MYO16: variants seen among roughly 807,000 people sequenced by gnomAD.
MYO16 encodes the protein myosin XVI, also known as unconventional myosin-XVI.
MYO16 carries 94 observed loss-of-function variants against 205.3 expected under a neutral mutation model. That is an observed-to-expected ratio of 0.46 (90% CI 0.39 to 0.54). The LOEUF is 0.54. Ranked by LOEUF, MYO16 falls within the 20% of genes least tolerant of loss-of-function variation. The pLI is 0.00. For missense variants in MYO16, 2,315 were observed against 2,387.5 expected, an observed-to-expected ratio of 0.97 and a Z score of 0.63; for synonymous variants, 988 against 954.0, an observed-to-expected ratio of 1.04 and a Z score of -0.66.
the MYO16 span, among the ~76,000 whole-genome samples, chr13:108,510,485 T>TTTTTTTTTTTTTTTTTTA: frequency 1.0e-5 from 1 of 96,440 alleles, no homozygotes; most frequent in Non-Finnish European, 2.2e-5. Flanking sequence ...TTTTTTTTTT[T>TTTTTTTTTTTTTTTTTTA]ATTGTACTTT....
At chr13:108,631,397 T>C (rs527305125) in intron 1 of MYO16, among the ~76,000 whole-genome samples, 123 of 152,338 alleles carry the variant, frequency 8.1e-4, no homozygotes, top group African/African-American at 2.7e-3. Flanking sequence ...CCTTTTGTTC[T>C]GTTTTAGTTG....
chr13:109,006,909 G>A (rs775106356), intron 21 of MYO16, among the ~76,000 whole-genome samples: 4 of 152,104 alleles, frequency 2.6e-5, no homozygotes, highest in Non-Finnish European at 5.9e-5. Context: ...AGGAGTCCAC[G>A]AAGAGTCGGG....
intron 4 of MYO16, among the ~76,000 whole-genome samples, chr13:108,754,419 A>G (rs1006686472): frequency 3.9e-5 from 6 of 152,264 alleles, no homozygotes; most frequent in Admixed American, 6.5e-5. Context: ...ATTAATGCAC[A>G]GATTATTGAC....
At chr13:108,509,648 T>G in the MYO16 span, among the ~76,000 whole-genome samples, 1 of 152,198 alleles carries the variant, frequency 6.6e-6, no homozygotes, top group Admixed American at 6.5e-5. Flanking sequence ...ATTTTACCTT[T>G]GGTCACTTTT....
intron 15 of MYO16, among the ~76,000 whole-genome samples, chr13:108,903,268 G>C (rs1880795809): frequency 6.6e-6 from 1 of 152,180 alleles, no homozygotes; most frequent in African/African-American, 2.4e-5. Context: ...TAATTATTCT[G>C]TTGCATTATT....
At chr13:108,526,295 C>G in the MYO16 span, among the ~76,000 whole-genome samples, 1 of 152,016 alleles carries the variant, frequency 6.6e-6, no homozygotes, top group Non-Finnish European at 1.5e-5. Context: ...GTTTGTGAGA[C>G]AAAAATGAAT....
intron 28 of MYO16, among the ~76,000 whole-genome samples, chr13:109,116,562 G>A (rs568502333): frequency 4.6e-5 from 7 of 151,990 alleles, no homozygotes; most frequent in East Asian, 3.9e-4. Flanking sequence ...CTCAACTACC[G>A]ACCATCAAGA....
intron 16 of MYO16, among the ~76,000 whole-genome samples, chr13:108,935,631 G>C (rs1882443811): frequency 6.6e-6 from 1 of 151,988 alleles, no homozygotes; most frequent in East Asian, 1.9e-4. Context: ...GATTTCTCTG[G>C]CTATGACTTC....
At chr13:108,866,325 A>C (rs1878714229) in intron 12 of MYO16, 83 bp downstream of exon 12, 5 of 801,616 alleles carry the variant, frequency 6.2e-6, no homozygotes, top group Middle Eastern at 2.9e-4. Context: ...TGACTAAAAA[A>C]AACAGGCAAA....
At chr13:108,678,622 C>A (rs190567321) in intron 2 of MYO16, among the ~76,000 whole-genome samples, 1 of 152,194 alleles carries the variant, frequency 6.6e-6, no homozygotes, top group Non-Finnish European at 1.5e-5. Flanking sequence ...TCATATTCAT[C>A]TACAAGCATC....
At chr13:108,630,112 A>T (rs9587634) in intron 1 of MYO16, among the ~76,000 whole-genome samples, 29,472 of 151,406 alleles carry the variant, frequency 0.19, 4,670 homozygotes, top group African/African-American at 0.43. Context: ...TCAGCTTTTT[A>T]AAAAAAATGA....
chr13:108,844,428 A>AGTCC lies in MYO16; in HGVS notation c.1183_1184insGTCC (p.Lys395SerfsTer11). 6.2e-7 allele frequency: 1 copy of AGTCC among 1,613,282 alleles called. No individual in the cohort carries two copies. Among genetic ancestry groups the AGTCC allele is most frequent in the Admixed American group, 1.7e-5 (1 of 59,956 alleles). ...CAAAGATGCAACAAAAGGTCTGTGT[A>AGTCC]AGCAGCAGTCTCAGGACAGCATCCC... On this transcript the variant is annotated frameshift_variant, in exon 10 of 35. Transcript: ENST00000457511. LOFTEE classifies it high-confidence loss of function.
intron 4 of MYO16, among the ~76,000 whole-genome samples, chr13:108,756,668 A>G (rs908444382): frequency 6.6e-6 from 1 of 152,152 alleles, no homozygotes; most frequent in Admixed American, 6.6e-5. Context: ...GAAGGAATTC[A>G]CATTTATTTT....
At chr13:108,999,419 A>G (rs1010105071) in intron 21 of MYO16, among the ~76,000 whole-genome samples, 1 of 152,186 alleles carries the variant, frequency 6.6e-6, no homozygotes, top group Non-Finnish European at 1.5e-5. Context: ...GAACAAGGAA[A>G]TGCATTTATT....
chr13:108,677,574 AG>A (rs1296413927), intron 2 of MYO16, among the ~76,000 whole-genome samples: 1 of 151,846 alleles, frequency 6.6e-6, no homozygotes, highest in African/African-American at 2.4e-5. Flanking sequence ...ATTTTAGGGA[AG>A]GGGGAAGGAA....
chr13:108,879,575 C>T (rs196145), intron 12 of MYO16, among the ~76,000 whole-genome samples: 119,227 of 151,960 alleles, frequency 0.78, 46,925 homozygotes, highest in East Asian at 0.97. Flanking sequence ...AGCGTTCTCA[C>T]TGTTCAATTC....
chr13:108,689,040 A>G (rs9520961), intron 2 of MYO16, among the ~76,000 whole-genome samples: 80,375 of 151,978 alleles, frequency 0.53, 21,678 homozygotes, highest in East Asian at 0.7. Context: ...TTGTCTTTAT[A>G]TTTAATACAA....
chr13:109,121,454 C>G (rs1875986507), intron 29 of MYO16, among the ~76,000 whole-genome samples: 1 of 152,248 alleles, frequency 6.6e-6, no homozygotes, highest in Admixed American at 6.5e-5. Context: ...AGGAGCACTT[C>G]AGGGACTTCC....
At chr13:108,692,881 G>T (rs1882953658) in intron 2 of MYO16, among the ~76,000 whole-genome samples, 1 of 152,126 alleles carries the variant, frequency 6.6e-6, no homozygotes, top group Non-Finnish European at 1.5e-5. Context: ...GATGGGACTT[G>T]AACTAGCTCC....
Sources: gnomAD v4.1 joint callset for allele counts (sites outside exome capture counted in the v4.1 genomes callset) on GRCh38, gnomAD v4.1.1 for gene constraint, MANE v1.5 for transcripts, NCBI Gene and HGNC (gene_info 2026-07-23, HGNC 2026-07-21) for gene names.